Variants in ZNF609 observed in about 807,000 individuals in gnomAD.
ZNF609 encodes the protein zinc finger protein 609.
A neutral mutation model predicts 109.5 loss-of-function variants in ZNF609; 11 were observed. The observed-to-expected ratio is 0.10, with a 90% CI of 0.06 to 0.17. The LOEUF (loss-of-function observed/expected upper bound fraction) is 0.17, where lower values mean the gene tolerates loss of function less well. ZNF609 is among the 10% of genes least tolerant of loss of function. ZNF609 has a pLI of 1.00. For synonymous variants in ZNF609, 646 were observed against 662.0 expected (o/e 0.98, Z 0.37); for missense variants, 1,559 against 1,772.4 (o/e 0.88, Z 2.16).
chr15:64,515,892 C>A (rs948885649), intron 2 of ZNF609, among the ~76,000 whole-genome samples: 12 of 150,650 alleles, frequency 8.0e-5, no homozygotes, highest in African/African-American at 2.9e-4. Flanking sequence ...GAGCTGAGAT[C>A]GCGCCATTGC....
Position 64,461,139 on chromosome 15 carries a change from A to G in ZNF609, c.-128+301A>G, listed in dbSNP as rs1448831761. ...TAGGGTCTGGCTAGGTTATGGGAGC[A>G]GGCCAGAGAGTTTCTGAGGCGAGTC... On this transcript the variant is annotated intron_variant, in intron 1 of 9. Transcript: ENST00000326648. Among the ~76,000 whole-genome samples, 6 of 144,498 alleles carry G rather than the reference A, an allele frequency of 4.2e-5. No individual in the cohort carries two copies. In the East Asian group the frequency reaches 1.3e-3, roughly 31 times the overall value. The allele number at this position is 144,498 out of a possible 152,430, so 94.8% of individuals were successfully genotyped here.
chr15:64,589,607 A>G (rs1387735859), intron 2 of ZNF609, among the ~76,000 whole-genome samples: 4 of 152,160 alleles, frequency 2.6e-5, no homozygotes, highest in African/African-American at 9.7e-5. Flanking sequence ...TTCAAAGTCC[A>G]TTTGTCGTAA....
At chr15:64,492,445 C>G (rs1259959208) in intron 1 of ZNF609, among the ~76,000 whole-genome samples, 1 of 151,980 alleles carries the variant, frequency 6.6e-6, no homozygotes, top group Admixed American at 6.6e-5. Context: ...CTTTAGATGC[C>G]TTGTGAAAGG....
chr15:64,461,827 A>G (rs1286449431), intron 1 of ZNF609, among the ~76,000 whole-genome samples: 2 of 152,178 alleles, frequency 1.3e-5, no homozygotes, highest in African/African-American at 4.8e-5. Flanking sequence ...CCAAGCCCCT[A>G]CAGGCCTCCC....
intron 2 of ZNF609, among the ~76,000 whole-genome samples, chr15:64,509,001 A>G (rs1313537270): frequency 1.3e-5 from 2 of 152,146 alleles, no homozygotes; most frequent in Non-Finnish European, 2.9e-5. Context: ...GCTGAGACCC[A>G]ACAATTTGCG....
chr15:64,515,597 G>C (rs1430018776), intron 2 of ZNF609, among the ~76,000 whole-genome samples: 1 of 151,968 alleles, frequency 6.6e-6, no homozygotes, highest in African/African-American at 2.4e-5. Flanking sequence ...AGACTTAAAG[G>C]CTTAAAATAA....
intron 2 of ZNF609, among the ~76,000 whole-genome samples, chr15:64,613,346 C>T (rs1368620875): frequency 1.3e-5 from 2 of 151,924 alleles, no homozygotes; most frequent in East Asian, 3.9e-4. Flanking sequence ...GAAAAGGACC[C>T]GAATTTCCTC....
intron 1 of ZNF609, among the ~76,000 whole-genome samples, chr15:64,461,433 C>T (rs1892939745): frequency 6.6e-6 from 1 of 152,064 alleles, no homozygotes; most frequent in African/African-American, 2.4e-5. Flanking sequence ...TCCTTGTACC[C>T]CCGGGAGGGT....
intron 4 of ZNF609, among the ~76,000 whole-genome samples, chr15:64,671,078 C>T (rs1276848396): frequency 2.0e-5 from 3 of 149,914 alleles, no homozygotes; most frequent in East Asian, 2.0e-4. Flanking sequence ...GGCGTGGTGG[C>T]GAGCGTTTGT....
At chr15:64,530,768 T>C (rs1894049379) in intron 2 of ZNF609, among the ~76,000 whole-genome samples, 1 of 152,236 alleles carries the variant, frequency 6.6e-6, no homozygotes. Context: ...CTAACTTGAC[T>C]GCAGTTCCTT....
intron 2 of ZNF609, among the ~76,000 whole-genome samples, chr15:64,524,206 T>A (rs1275411543): frequency 6.6e-6 from 1 of 152,204 alleles, no homozygotes; most frequent in Non-Finnish European, 1.5e-5. Flanking sequence ...TAATTCTTCA[T>A]TTTACTTAGC....
At chr15:64,534,417 C>T (rs1183198263) in intron 2 of ZNF609, among the ~76,000 whole-genome samples, 4 of 152,060 alleles carry the variant, frequency 2.6e-5, no homozygotes, top group African/African-American at 9.7e-5. Flanking sequence ...CGGGTTCAAG[C>T]GATTCTCCTG....
At chr15:64,544,740 C>T (rs1894327743) in intron 2 of ZNF609, among the ~76,000 whole-genome samples, 1 of 152,184 alleles carries the variant, frequency 6.6e-6, no homozygotes, top group South Asian at 2.1e-4. Context: ...CTTAACTCCT[C>T]TAAGCTGTCA....
At chr15:64,541,426 C>CAAAAAAAAA in intron 2 of ZNF609, among the ~76,000 whole-genome samples, 1 of 67,866 alleles carries the variant, frequency 1.5e-5, no homozygotes, top group Middle Eastern at 8.3e-3. Flanking sequence ...GACTCCGTCT[C>CAAAAAAAAA]AAAAAAAAAA....
intron 1 of ZNF609, among the ~76,000 whole-genome samples, chr15:64,462,890 C>G (rs1445095279): frequency 6.6e-6 from 1 of 152,166 alleles, no homozygotes; most frequent in African/African-American, 2.4e-5. Context: ...TGAGAACAAA[C>G]TAGAAGGAAT....
intron 2 of ZNF609, among the ~76,000 whole-genome samples, chr15:64,507,623 G>A (rs1159547714): frequency 6.6e-6 from 1 of 152,232 alleles, no homozygotes; most frequent in African/African-American, 2.4e-5. Flanking sequence ...TACAAAGAAG[G>A]AAATTGGACT....
At position 64,499,843 on chromosome 15, in the gene ZNF609, G is replaced by T. The variant is rs151216141; in HGVS notation, c.424G>T (p.Gly142Cys). The T allele has an allele frequency of 6.9e-4, 1,107 of 1,614,060 alleles. 20 individuals carry two copies. The Admixed American group carries it at 0.014, about 21-fold the overall frequency. Residue 142 changes from glycine to cysteine, a missense_variant, in exon 2 of 10, where the codon GGC becomes TGC. This residue lies in a region of ZNF609 where 291 missense variants were observed against 317.8 expected (regional missense o/e 0.92). Coordinates refer to ENST00000326648, the MANE Select transcript of ZNF609 (RefSeq NM_015042.2). ...CCTGGTTGCTGCTATTGCTCCCAAG[G>T]GCTCAGAGAAGGCGGCTAAGGCATC... Reference protein sequence around the residue: ...GGLVAAIAPKGSEKAAKASRS... With the variant: ...GGLVAAIAPKCSEKAAKASRS...
intron 2 of ZNF609, among the ~76,000 whole-genome samples, chr15:64,549,646 TCA>T (rs1417710703): frequency 6.6e-6 from 1 of 152,046 alleles, no homozygotes; most frequent in African/African-American, 2.4e-5. Flanking sequence ...TAATCTGGCT[TCA>T]GAGTCTGTAC....
intron 5 of ZNF609, among the ~76,000 whole-genome samples, chr15:64,676,882 T>C (rs1896817564): frequency 6.6e-6 from 1 of 151,394 alleles, no homozygotes; most frequent in African/African-American, 2.4e-5. Flanking sequence ...GCCTCCCGAG[T>C]AGCTGGGATT....
Sources: allele counts gnomAD v4.1 joint callset (sites outside exome capture counted in the v4.1 genomes callset), GRCh38; gene constraint gnomAD v4.1.1; regional missense constraint gnomAD v4.1.1; transcripts MANE v1.5; gene names NCBI Gene and HGNC (gene_info 2026-07-23, HGNC 2026-07-21).